Variants in SPAG16 observed in about 807,000 individuals in gnomAD.
SPAG16 encodes sperm-associated antigen 16 protein.
Under a neutral mutation model 80.4 loss-of-function variants are expected in SPAG16, and 86 were observed. That is an observed-to-expected ratio of 1.07 (90% CI 0.90 to 1.28). The LOEUF is 1.28. Among genes scored for constraint, SPAG16 ranks in the 50% most tolerant of loss-of-function variants. The pLI is 0.00. For missense variants in SPAG16, 870 were observed against 765.3 expected (o/e 1.14, Z -1.61); for synonymous variants, 294 against 265.9 (o/e 1.11, Z -1.03).
chr2:213,694,318 G>T (rs190021168), intron 10 of SPAG16, among the ~76,000 whole-genome samples: 2 of 152,264 alleles, frequency 1.3e-5, no homozygotes, highest in East Asian at 3.9e-4. Context: ...GCTTCTCATT[G>T]ATATCCTTTT....
chr2:213,899,596 T>C (rs1287527557), intron 11 of SPAG16, among the ~76,000 whole-genome samples: 1 of 152,094 alleles, frequency 6.6e-6, no homozygotes, highest in Non-Finnish European at 1.5e-5. Flanking sequence ...ATGCTAGATT[T>C]AAATGTTTTC....
intron 10 of SPAG16, among the ~76,000 whole-genome samples, chr2:213,715,201 T>G (rs548127540): frequency 6.7e-6 from 1 of 149,048 alleles, no homozygotes; most frequent in Non-Finnish European, 1.5e-5. Flanking sequence ...TGGAAAAGAT[T>G]CAAGTTAGGT....
At chr2:213,737,516 C>T (rs2067339675) in intron 10 of SPAG16, among the ~76,000 whole-genome samples, 1 of 137,260 alleles carries the variant, frequency 7.3e-6, no homozygotes, top group Non-Finnish European at 1.5e-5. Context: ...GAGACGGAGT[C>T]TCGCTCTGTC....
intron 10 of SPAG16, among the ~76,000 whole-genome samples, chr2:213,669,065 G>A (rs16850665): frequency 0.05 from 7,599 of 152,142 alleles, 613 homozygotes; most frequent in African/African-American, 0.17. Flanking sequence ...TATGATTTTC[G>A]TATTTGCTTA....
intron 10 of SPAG16, among the ~76,000 whole-genome samples, chr2:213,494,412 C>T (rs2125747682): frequency 6.6e-6 from 1 of 152,318 alleles, no homozygotes; most frequent in African/African-American, 2.4e-5. Flanking sequence ...CGTACCAAAT[C>T]TGTGTGAACT....
At chr2:213,709,179 C>A (rs755219109) in intron 10 of SPAG16, among the ~76,000 whole-genome samples, 2 of 152,176 alleles carry the variant, frequency 1.3e-5, no homozygotes, top group Non-Finnish European at 2.9e-5. Flanking sequence ...TAGTTCATGG[C>A]AATCCATGGC....
At chr2:214,047,885 A>T (rs944728921) in intron 13 of SPAG16, among the ~76,000 whole-genome samples, 1 of 152,182 alleles carries the variant, frequency 6.6e-6, no homozygotes, top group Non-Finnish European at 1.5e-5. Flanking sequence ...AAAATACCTG[A>T]ATAGACATTT....
chr2:214,127,575 G>A (rs1186430584), intron 14 of SPAG16, among the ~76,000 whole-genome samples: 2 of 151,862 alleles, frequency 1.3e-5, no homozygotes, highest in Non-Finnish European at 2.9e-5. Flanking sequence ...TCACCTGTAT[G>A]TATTTCATTT....
At chr2:214,144,962 T>A (rs912011030) in intron 14 of SPAG16, among the ~76,000 whole-genome samples, 6 of 152,042 alleles carry the variant, frequency 3.9e-5, no homozygotes, top group African/African-American at 1.2e-4. Context: ...AAAATTATGT[T>A]ACTATATAAT....
intron 15 of SPAG16, among the ~76,000 whole-genome samples, chr2:214,261,272 T>TCACATACC (rs1691158108): frequency 6.6e-6 from 1 of 150,964 alleles, no homozygotes; most frequent in Non-Finnish European, 1.5e-5. Context: ...CACGATACCA[T>TCACATACC]CACATACCGT....
At chr2:213,929,152 T>G (rs2106241623) in intron 11 of SPAG16, among the ~76,000 whole-genome samples, 1 of 151,950 alleles carries the variant, frequency 6.6e-6, no homozygotes, top group Non-Finnish European at 1.5e-5. Flanking sequence ...TAGCTGGGAT[T>G]ACAGGCGCAC....
At chr2:214,007,472 A>G (rs913193896) in intron 12 of SPAG16, among the ~76,000 whole-genome samples, 47 of 152,128 alleles carry the variant, frequency 3.1e-4, no homozygotes, top group African/African-American at 8.2e-4. Flanking sequence ...TTTGGTATAC[A>G]TTCTTTTTGT....
intron 12 of SPAG16, among the ~76,000 whole-genome samples, chr2:213,970,995 T>C (rs1294770135): frequency 6.6e-6 from 1 of 152,202 alleles, no homozygotes; most frequent in African/African-American, 2.4e-5. Flanking sequence ...TTGATGGTAG[T>C]GAATATAATA....
intron 10 of SPAG16, among the ~76,000 whole-genome samples, chr2:213,795,276 TTGTATC>T (rs1222928843): frequency 1.3e-5 from 2 of 152,206 alleles, no homozygotes; most frequent in Admixed American, 1.3e-4. Flanking sequence ...CATGATATGT[TTGTATC>T]TGTAGATTAA....
intron 3 of SPAG16, among the ~76,000 whole-genome samples, chr2:213,301,690 T>C (rs891090548): frequency 5.9e-5 from 9 of 152,164 alleles, no homozygotes; most frequent in Non-Finnish European, 4.4e-5. Context: ...ATGTGTCTAA[T>C]GCAAATTTCA....
intron 15 of SPAG16, among the ~76,000 whole-genome samples, chr2:214,256,968 C>T (rs1056300836): frequency 3.3e-5 from 5 of 151,848 alleles, no homozygotes; most frequent in African/African-American, 9.6e-5. Flanking sequence ...ATTATGGGAA[C>T]TCTTTTGGTG....
chr2:213,844,036 T>C (rs1471675263), intron 10 of SPAG16, among the ~76,000 whole-genome samples: 3 of 152,180 alleles, frequency 2.0e-5, no homozygotes, highest in Non-Finnish European at 4.4e-5. Flanking sequence ...GCAGTAATGT[T>C]AGAAATAAGA....
chr2:213,729,212 G>C (rs779631333), intron 10 of SPAG16, among the ~76,000 whole-genome samples: 19 of 152,084 alleles, frequency 1.2e-4, no homozygotes, highest in Non-Finnish European at 2.5e-4. Context: ...ATATCACATA[G>C]CTAATATTCC....
intron 10 of SPAG16, among the ~76,000 whole-genome samples, chr2:213,631,723 C>A (rs2062159032): frequency 1.3e-5 from 2 of 152,294 alleles, no homozygotes; most frequent in Non-Finnish European, 2.9e-5. Context: ...TTTCCCAGCA[C>A]CATTTATTGA....
Sources: allele counts gnomAD v4.1 joint callset (sites outside exome capture counted in the v4.1 genomes callset), GRCh38; gene constraint gnomAD v4.1.1; transcripts MANE v1.5; gene names NCBI Gene and HGNC (gene_info 2026-07-23, HGNC 2026-07-21).